The following GRIK2 variants were observed in gnomAD, a reference collection of about 807,000 sequenced individuals.
The protein encoded by GRIK2 is glutamate ionotropic receptor kainate type subunit 2.
Under a neutral mutation model 100.3 loss-of-function variants are expected in GRIK2, and 32 were observed. That is an observed-to-expected ratio of 0.32 (90% CI 0.24 to 0.43). GRIK2 has a LOEUF of 0.43. GRIK2 is among the 20% of genes least tolerant of loss of function. The pLI is 1.00. For synonymous variants in GRIK2, 417 were observed against 389.4 expected (o/e 1.07, Z -0.83); for missense variants, 843 against 1,114.9 (o/e 0.76, Z 3.47).
At chr6:101,459,880 C>T (rs969926028) in intron 2 of GRIK2, among the ~76,000 whole-genome samples, 2 of 151,884 alleles carry the variant, frequency 1.3e-5, no homozygotes, top group African/African-American at 2.4e-5. Flanking sequence ...CTCAGCTTCT[C>T]AAGTAGCTGG....
intron 16 of GRIK2, among the ~76,000 whole-genome samples, chr6:102,055,994 T>A (rs943163474): frequency 6.6e-6 from 1 of 151,818 alleles, no homozygotes. Flanking sequence ...CAATATGGGT[T>A]AACAGTTTCA....
intron 2 of GRIK2, among the ~76,000 whole-genome samples, chr6:101,473,620 C>T (rs1772069214): frequency 6.6e-6 from 1 of 151,802 alleles, no homozygotes; most frequent in African/African-American, 2.4e-5. Flanking sequence ...ATTTTTCCCA[C>T]TTCTGAGATA....
intron 7 of GRIK2, among the ~76,000 whole-genome samples, chr6:101,715,341 TC>T (rs1212888766): frequency 6.6e-6 from 1 of 151,568 alleles, no homozygotes; most frequent in East Asian, 2.0e-4. Flanking sequence ...TAGGGACAGA[TC>T]CCCCACCTGA....
intron 12 of GRIK2, among the ~76,000 whole-genome samples, chr6:101,920,371 G>A (rs1789409639): frequency 6.6e-6 from 1 of 151,948 alleles, no homozygotes; most frequent in South Asian, 2.1e-4. Context: ...TTCCTAAAAT[G>A]AGGAAGATTC....
intron 2 of GRIK2, among the ~76,000 whole-genome samples, chr6:101,407,851 A>G (rs1401972475): frequency 6.6e-6 from 1 of 152,184 alleles, no homozygotes; most frequent in Admixed American, 6.5e-5. Context: ...TATATACAAT[A>G]GTTGTTTAAA....
intron 7 of GRIK2, among the ~76,000 whole-genome samples, chr6:101,785,926 A>G (rs1779394454): frequency 6.6e-6 from 1 of 152,066 alleles, no homozygotes; most frequent in Admixed American, 6.5e-5. Context: ...GGCCATTTTT[A>G]CAACATTAAT....
chr6:101,728,666 C>A (rs1023222247), intron 7 of GRIK2, among the ~76,000 whole-genome samples: 1 of 151,974 alleles, frequency 6.6e-6, no homozygotes, highest in Non-Finnish European at 1.5e-5. Flanking sequence ...TAACAATACA[C>A]AGAGTAAGCA....
chr6:101,797,206 A>G (rs1163415408), intron 7 of GRIK2, among the ~76,000 whole-genome samples: 1 of 146,740 alleles, frequency 6.8e-6, no homozygotes, highest in Non-Finnish European at 1.5e-5. Flanking sequence ...AGTTTTTGTA[A>G]TCTTCCTCAT....
At chr6:101,991,104 A>G (rs2782908) in intron 14 of GRIK2, among the ~76,000 whole-genome samples, 44,599 of 151,666 alleles carry the variant, frequency 0.29, 7,116 homozygotes, top group Non-Finnish European at 0.36. Flanking sequence ...AATAACAAGT[A>G]TGGATTCTGA....
chr6:101,520,736 A>G lies in GRIK2; in HGVS notation c.116-101213A>G, dbSNP rs76517623. Among the ~76,000 whole-genome samples the G allele has an allele frequency of 5.7e-3, 864 of 152,244 alleles. 7 individuals are homozygous for G. Among genetic ancestry groups the G allele is most frequent in the African/African-American group, 0.02 (826 of 41,572 alleles). On this transcript the variant is annotated intron_variant, in intron 2 of 16. Coordinates refer to ENST00000369134, the MANE Select transcript of GRIK2 (RefSeq NM_021956.5). ...AGCCAAGTGATGACATAGATTTAGT[A>G]GAACATAACACAACCTCCTAACCTC...
At chr6:101,597,014 A>C (rs1778959848) in intron 2 of GRIK2, among the ~76,000 whole-genome samples, 1 of 151,880 alleles carries the variant, frequency 6.6e-6, no homozygotes, top group African/African-American at 2.4e-5. Context: ...GGTAGATTGG[A>C]TAAAGAAAAT....
chr6:101,735,628 T>C (rs1775581015), intron 7 of GRIK2, among the ~76,000 whole-genome samples: 1 of 152,088 alleles, frequency 6.6e-6, no homozygotes, highest in African/African-American at 2.4e-5. Context: ...ATGAAAACAA[T>C]ATGTGAAAGA....
intron 14 of GRIK2, among the ~76,000 whole-genome samples, chr6:101,983,718 C>A (rs116105530): frequency 0.032 from 4,865 of 151,770 alleles, 148 homozygotes; most frequent in East Asian, 0.065. Flanking sequence ...GAAATATCTA[C>A]AATTTCTTAT....
At chr6:101,438,141 G>A (rs1769841140) in intron 2 of GRIK2, among the ~76,000 whole-genome samples, 1 of 152,046 alleles carries the variant, frequency 6.6e-6, no homozygotes, top group Admixed American at 6.6e-5. Flanking sequence ...TTGTTATATA[G>A]ACATTAAGTC....
At position 102,035,409 on chromosome 6, in the gene GRIK2, C is replaced by G. The variant is rs780381974; in HGVS notation, c.2154C>G (p.Val718=). The G allele has an allele frequency of 6.2e-7, 1 of 1,609,098 alleles. No individual in the cohort carries two copies. The highest frequency in any genetic ancestry group is 1.7e-5 in the Admixed American group (1 of 59,644). The change falls in exon 15 of 17, where the codon GTC becomes GTG. Residue 718 remains valine (V), a synonymous_variant. Coordinates refer to ENST00000369134, the MANE Select transcript of GRIK2 (RefSeq NM_021956.5). ...GTAGCAGAAGGCAGTCAGTGCTGGTCAAAAGTAATGAAGAAGGAATCCAGC... is the reference window on the plus strand; with the variant it reads ...GTAGCAGAAGGCAGTCAGTGCTGGTGAAAAGTAATGAAGAAGGAATCCAGC... ...FMSSRRQSVL[V]KSNEEGIQRV...
chr6:102,015,777 T>C (rs1025466323), intron 14 of GRIK2, among the ~76,000 whole-genome samples: 1 of 152,118 alleles, frequency 6.6e-6, no homozygotes, highest in Non-Finnish European at 1.5e-5. Context: ...CCAGGAGCAC[T>C]TCACCGCCTC....
chr6:101,448,908 A>G (rs1770517330), intron 2 of GRIK2, among the ~76,000 whole-genome samples: 1 of 151,674 alleles, frequency 6.6e-6, no homozygotes, highest in South Asian at 2.1e-4. Context: ...AGATTACATC[A>G]TCCATTTAGT....
At chr6:101,883,547 AAATT>A (rs539892255) in intron 11 of GRIK2, among the ~76,000 whole-genome samples, 27 of 152,076 alleles carry the variant, frequency 1.8e-4, no homozygotes, top group Non-Finnish European at 3.2e-4. Context: ...TTCATGAAGA[AAATT>A]AAAGTACTGT....
chr6:101,641,581 G>A (rs2128324567), intron 4 of GRIK2, among the ~76,000 whole-genome samples: 1 of 151,932 alleles, frequency 6.6e-6, no homozygotes, highest in East Asian at 1.9e-4. Context: ...ATTCAGCGAA[G>A]AGACTAGATC....
Sources: gnomAD v4.1 joint callset for allele counts (sites outside exome capture counted in the v4.1 genomes callset) on GRCh38, gnomAD v4.1.1 for gene constraint, MANE v1.5 for transcripts, NCBI Gene and HGNC (gene_info 2026-07-23, HGNC 2026-07-21) for gene names.